UIMC1: variants seen among roughly 807,000 people sequenced by gnomAD.
The protein encoded by UIMC1 is ubiquitin interaction motif containing 1, also known as BRCA1-A complex subunit RAP80.
A neutral mutation model predicts 84.9 loss-of-function variants in UIMC1; 42 were observed. The observed-to-expected ratio is 0.49, with a 90% CI of 0.39 to 0.64. UIMC1 has a LOEUF of 0.64. Among genes scored for constraint, UIMC1 ranks in the 30% least tolerant of loss-of-function variants. UIMC1 has a pLI of 0.00. For missense variants in UIMC1, 825 were observed against 847.6 expected (o/e 0.97, Z 0.33); for synonymous variants, 281 against 293.0 (o/e 0.96, Z 0.42).
chr5:176,929,026 G>T (rs1762745849), intron 10 of UIMC1, among the ~76,000 whole-genome samples: 1 of 151,984 alleles, frequency 6.6e-6, no homozygotes, highest in South Asian at 2.1e-4. Context: ...GGCCAAGGCG[G>T]GTAGATTACG....
At chr5:176,991,039 G>A (rs565687288) in intron 1 of UIMC1, among the ~76,000 whole-genome samples, 2 of 151,254 alleles carry the variant, frequency 1.3e-5, no homozygotes, top group South Asian at 2.1e-4. Flanking sequence ...ACAGAGTCTC[G>A]CTCTTTCGCC....
At chr5:177,021,250 C>T (rs976174120) in intron 1 of UIMC1, among the ~76,000 whole-genome samples, 1 of 152,118 alleles carries the variant, frequency 6.6e-6, no homozygotes, top group Non-Finnish European at 1.5e-5. Context: ...TGCACTCCAA[C>T]CTGGCGACAG....
intron 10 of UIMC1, among the ~76,000 whole-genome samples, chr5:176,919,792 C>G (rs1761471198): frequency 6.6e-6 from 1 of 152,212 alleles, no homozygotes; most frequent in African/African-American, 2.4e-5. Flanking sequence ...TCTCAAAAAT[C>G]AATTGCCCAC....
chr5:176,977,667 T>C (rs978695547), intron 2 of UIMC1, among the ~76,000 whole-genome samples: 1 of 150,992 alleles, frequency 6.6e-6, no homozygotes, highest in Non-Finnish European at 1.5e-5. Context: ...TCCAGCACTT[T>C]AGGAGGCCAA....
rs770989475 is a variant in UIMC1 at position 176,968,919 on chromosome 5, C to A, written c.836G>T (p.Gly279Val). 6.2e-7 allele frequency: 1 copy of A among 1,614,122 alleles called. No homozygotes were observed. Among genetic ancestry groups the A allele is most frequent in the South Asian group, 1.1e-5 (1 of 91,078 alleles). The change falls in exon 6 of 15, where the codon GGT becomes GTT. Residue 279 changes from glycine to valine, a missense_variant. Gly to Val is a moderately radical substitution (Grantham distance 109). Transcript: ENST00000511320. Reference sequence around the variant, plus strand: ...TACTCCATCAGGGCAGAATGGAATACCCCAGAAATAGTTCACAGTGCCCCC... The same window carrying A: ...TACTCCATCAGGGCAGAATGGAATAACCCAGAAATAGTTCACAGTGCCCCC... ...DTGGTVNYFW[G>V]IPFCPDGVDP...
rs908889145 is a variant in UIMC1 at position 176,989,907 on chromosome 5, G to A, written c.-8-7284C>T. ...TAAGAAATGGGGCCTGGGGCCAGGCGCAGTGGCTCACGTCTGTAATCCCAG... is the reference window on the plus strand; with the variant it reads ...TAAGAAATGGGGCCTGGGGCCAGGCACAGTGGCTCACGTCTGTAATCCCAG... On this transcript the variant is annotated intron_variant, in intron 1 of 14. Coordinates refer to ENST00000511320, the MANE Select transcript of UIMC1 (RefSeq NM_001199298.2). Among the ~76,000 whole-genome samples, 15 of 152,096 alleles carry A rather than the reference G, an allele frequency of 9.9e-5. No individual in the cohort carries two copies. The South Asian group carries it at 1.9e-3, about 19-fold the overall frequency.
chr5:176,975,673 A>T (rs2149492646), intron 2 of UIMC1, among the ~76,000 whole-genome samples, 193 bp from the exon 3 acceptor site: 1 of 152,368 alleles, frequency 6.6e-6, no homozygotes, highest in Non-Finnish European at 1.5e-5. Context: ...AAAAACTGTA[A>T]GAACAAAAAT....
At chr5:176,945,540 C>T (rs542312023) in intron 9 of UIMC1, among the ~76,000 whole-genome samples, 44 of 152,294 alleles carry the variant, frequency 2.9e-4, no homozygotes, top group Admixed American at 5.9e-4. Context: ...TGTAGAGAGC[C>T]TATGAATGGA....
chr5:177,009,975 G>A (rs1449461616), upstream of UIMC1, among the ~76,000 whole-genome samples: 1 of 152,188 alleles, frequency 6.6e-6, no homozygotes, highest in Non-Finnish European at 1.5e-5. This position sits in a 1 kb window ranked among gnomAD's most constrained non-coding sequence, Gnocchi z 4.3. Flanking sequence ...CTGGGTGACA[G>A]AGTGAGACTC....
intron 2 of UIMC1, among the ~76,000 whole-genome samples, chr5:176,981,014 T>C (rs1770948746): frequency 6.6e-6 from 1 of 152,206 alleles, no homozygotes; most frequent in African/African-American, 2.4e-5. Context: ...GCACTGGGAT[T>C]ATAGGGATGA....
At chr5:177,001,241 C>G (rs529828480) in intron 1 of UIMC1, among the ~76,000 whole-genome samples, 1 of 152,298 alleles carries the variant, frequency 6.6e-6, no homozygotes, top group African/African-American at 2.4e-5. Flanking sequence ...ATCCAGTTTT[C>G]TAAGCACTAT....
chr5:176,917,686 G>A (rs1303616249), intron 10 of UIMC1, among the ~76,000 whole-genome samples: 1 of 152,022 alleles, frequency 6.6e-6, no homozygotes, highest in Non-Finnish European at 1.5e-5. Flanking sequence ...TGGGCAAGGA[G>A]CGGTGGCTCA....
chr5:176,972,641 T>A (rs1235651548), intron 3 of UIMC1, among the ~76,000 whole-genome samples: 1 of 151,438 alleles, frequency 6.6e-6, no homozygotes, highest in Non-Finnish European at 1.5e-5. Flanking sequence ...GAGGCTGAGG[T>A]AGGAGAATCG....
intron 2 of UIMC1, among the ~76,000 whole-genome samples, chr5:176,976,120 A>G (rs964394605): frequency 6.6e-6 from 1 of 152,046 alleles, no homozygotes; most frequent in African/African-American, 2.4e-5. Context: ...ATGTAGAGAG[A>G]TCCTGTCCTT....
Position 176,969,644 on chromosome 5 carries a change from G to C in UIMC1, c.420C>G (p.Ser140=). Residue 140 remains serine (S), a synonymous_variant, in exon 5 of 15, where the codon TCC becomes TCG. Coordinates refer to ENST00000511320, the MANE Select transcript of UIMC1 (RefSeq NM_001199298.2). ...RSRPLATGPS[S]QSHQEKTTDS... is the part of the protein sequence containing the mutation. ...CTGTGGTTTTCTCTTGATGGGACTGGGAAGACGGTCCAGTGGCCAGAGGTC... is the reference window on the plus strand; with the variant it reads ...CTGTGGTTTTCTCTTGATGGGACTGCGAAGACGGTCCAGTGGCCAGAGGTC... 6.2e-7 allele frequency: 1 copy of C among 1,614,116 alleles called. No homozygotes were observed. Among genetic ancestry groups the C allele is most frequent in the Non-Finnish European group, 8.5e-7 (1 of 1,180,034 alleles).
chr5:177,020,105 G>C (rs1775757067), intron 1 of UIMC1, among the ~76,000 whole-genome samples: 1 of 152,206 alleles, frequency 6.6e-6, no homozygotes, highest in Non-Finnish European at 1.5e-5. Context: ...ATGATCTCAA[G>C]CAAGAATAAT....
At chr5:177,009,985 C>T (rs2149553271), upstream of UIMC1, among the ~76,000 whole-genome samples, 1 of 152,082 alleles carries the variant, frequency 6.6e-6, no homozygotes, top group Non-Finnish European at 1.5e-5. The surrounding 1 kb of genome is among the most constrained non-coding windows in gnomAD (Gnocchi z 4.3). Flanking sequence ...GAGTGAGACT[C>T]CGTCTCAAAA....
intron 10 of UIMC1, among the ~76,000 whole-genome samples, chr5:176,913,972 C>T (rs1294081115): frequency 6.6e-6 from 1 of 151,902 alleles, no homozygotes; most frequent in Non-Finnish European, 1.5e-5. Flanking sequence ...GCTAGATCGT[C>T]TCAAAAAATT....
At chr5:176,951,636 A>G in intron 8 of UIMC1, 59 bp from the exon 9 acceptor site, 2 of 1,310,442 alleles carry the variant, frequency 1.5e-6, no homozygotes, top group Non-Finnish European at 2.1e-6. Flanking sequence ...CATAATTAAA[A>G]AAACAAACAT....
Sources: allele counts gnomAD v4.1 joint callset (sites outside exome capture counted in the v4.1 genomes callset), GRCh38; gene constraint gnomAD v4.1.1; non-coding constraint Gnocchi (gnomAD v3.1); transcripts MANE v1.5; gene names NCBI Gene and HGNC (gene_info 2026-07-23, HGNC 2026-07-21).